Variants in FUCA1 observed in about 807,000 individuals in gnomAD.
The protein encoded by FUCA1 is tissue alpha-L-fucosidase.
In FUCA1, 52 loss-of-function variants were observed where a neutral mutation model predicts 56.8. The ratio of observed to expected loss-of-function variants is 0.92; its 90% CI spans 0.73 to 1.15. The LOEUF is 1.15. FUCA1 is among the 50% of genes most tolerant of loss of function. The pLI is 0.00. For synonymous variants in FUCA1, 230 were observed against 226.6 expected (o/e 1.02, Z -0.14); for missense variants, 568 against 592.6 (o/e 0.96, Z 0.43).
At chr1:23,859,970 A>T (rs914837830) in intron 3 of FUCA1, 67 bp from the exon 4 acceptor site, 51 of 883,798 alleles carry the variant, frequency 5.8e-5, no homozygotes, top group Admixed American at 8.4e-5. Flanking sequence ...CTTATGGACC[A>T]TTTTTTTTTT....
intron 5 of FUCA1, among the ~76,000 whole-genome samples, chr1:23,849,651 C>T (rs558249296): frequency 3.6e-5 from 5 of 139,074 alleles, no homozygotes; most frequent in East Asian, 2.2e-4. Context: ...GGCACAATCT[C>T]GGCTCACTGC....
chr1:23,855,446 G>A (rs149089306), intron 4 of FUCA1, among the ~76,000 whole-genome samples: 1,789 of 152,336 alleles, frequency 0.012, 34 homozygotes, highest in African/African-American at 0.041. Context: ...GCAGTGAGCC[G>A]AGATCGTGCC....
At chr1:23,849,142 C>A (rs914042363) in intron 5 of FUCA1, among the ~76,000 whole-genome samples, 10 of 152,064 alleles carry the variant, frequency 6.6e-5, no homozygotes, top group African/African-American at 2.4e-4. Flanking sequence ...GCCACCACAT[C>A]CAGCTAATAT....
rs1411389016 is a variant in FUCA1, at chr1:23,867,912, C to T, written c.375G>A (p.Gln125=). 1.2e-5 allele frequency: 18 copies of T among 1,550,714 alleles called. No homozygotes were observed. The highest frequency in any genetic ancestry group is 1.4e-5 in the Non-Finnish European group (16 of 1,147,682). The change falls in exon 1 of 8, where the codon CAG becomes CAA. Residue 125 remains glutamine, a synonymous_variant. Coordinates refer to ENST00000374479, the MANE Select transcript of FUCA1 (RefSeq NM_000147.5). This position sits in a 1 kb window ranked among gnomAD's most constrained non-coding sequence, Gnocchi z 4.9. ...ACCACACTCACTTGGCGCCCGCGGCCTGGAAGAGGTCGGCCCACTCCTCCG... is the reference window on the plus strand; with the variant it reads ...ACCACACTCACTTGGCGCCCGCGGCTTGGAAGAGGTCGGCCCACTCCTCCG... ...FHPEEWADLF[Q]AAGAKYVVLT... is the part of the protein sequence containing the mutation.
chr1:23,866,902 G>T (rs1639634303), intron 1 of FUCA1, among the ~76,000 whole-genome samples: 1 of 152,168 alleles, frequency 6.6e-6, no homozygotes, highest in African/African-American at 2.4e-5. Flanking sequence ...CACTTCCTCT[G>T]CTTAATCAAG....
At chr1:23,865,750 T>G in intron 1 of FUCA1, 125 bp from the exon 2 acceptor site, 1 of 1,065,604 alleles carries the variant, frequency 9.4e-7, no homozygotes, top group East Asian at 2.4e-5. Context: ...CTTGTACCAG[T>G]GACTATATTA....
intron 5 of FUCA1, among the ~76,000 whole-genome samples, chr1:23,853,791 T>G (rs1436066680): frequency 6.6e-6 from 1 of 151,956 alleles, no homozygotes; most frequent in East Asian, 1.9e-4. Context: ...CTGAAACGTG[T>G]GCTGTGTCCA....
At position 23,864,790 on chromosome 1, in the gene FUCA1, C is replaced by T. The variant is rs939846166; in HGVS notation, c.524+701G>A. On this transcript the variant is annotated intron_variant, in intron 2 of 7. Coordinates refer to ENST00000374479, the MANE Select transcript of FUCA1 (RefSeq NM_000147.5). ...TGCGATCTTGGCTCACTGCAACCTCCGCCTCCTGGGTTCAAGTGATTCTCC... is the reference window on the plus strand; with the variant it reads ...TGCGATCTTGGCTCACTGCAACCTCTGCCTCCTGGGTTCAAGTGATTCTCC... Among the ~76,000 whole-genome samples the T allele has an allele frequency of 9.9e-5, 15 of 151,652 alleles. 1 individual carries two copies. In the South Asian group the frequency reaches 2.3e-3, roughly 23 times the overall value.
At chr1:23,856,370 G>T (rs1328066701) in intron 4 of FUCA1, among the ~76,000 whole-genome samples, 4 of 152,092 alleles carry the variant, frequency 2.6e-5, no homozygotes, top group Non-Finnish European at 4.4e-5. Context: ...TCCCACAGAA[G>T]CTAATGCAGT....
Position 23,845,745 on chromosome 1 carries a change from AGCAAACTCT to A in FUCA1, c.1362_1370del (p.Glu455_Ala457del). 6.2e-7 allele frequency: 1 copy of A among 1,614,220 alleles called. No homozygotes were observed. Among genetic ancestry groups the A allele is most frequent in the African/African-American group, 1.3e-5 (1 of 75,060 alleles). On this transcript the variant is annotated inframe_deletion, in exon 8 of 8. Coordinates refer to ENST00000374479, the MANE Select transcript of FUCA1 (RefSeq NM_000147.5). ...TCACTCCTGTCAGCTTTATAGTCCA[AGCAAACTCT>A]GCGGGGACAGCAGAGGGTGGCAACT...
intron 7 of FUCA1, 35 bp downstream of exon 7, chr1:23,846,039 A>G (rs769866240): frequency 1.9e-6 from 3 of 1,564,658 alleles, no homozygotes; most frequent in Non-Finnish European, 2.6e-6. Flanking sequence ...TCCTTTACAG[A>G]AAGTTACATC....
At position 23,863,005 on chromosome 1, in the gene FUCA1, CACT is replaced by C. The variant is rs979930707; in HGVS notation, c.662+126_662+128del. 11 of 992,600 alleles carry C rather than the reference CACT, an allele frequency of 1.1e-5. No individual in the cohort carries two copies. In the Admixed American group the frequency reaches 2.0e-4, roughly 18 times the overall value. 61.5% of individuals were successfully genotyped at this position (992,600 alleles called of 1,614,324 possible). A position where few individuals can be genotyped will look rare whatever the true frequency, so the allele number is the denominator to read the frequency against. ...ACATATTTTGTCTTAATACAACCAC[CACT>C]TTTTATTATTTTGATGTCTTTTAGG... On this transcript the variant is annotated intron_variant, in intron 3 of 7. Coordinates refer to ENST00000374479, the MANE Select transcript of FUCA1 (RefSeq NM_000147.5).
chr1:23,863,357 A>G, intron 2 of FUCA1, 86 bp from the exon 3 acceptor site: 6 of 1,365,762 alleles, frequency 4.4e-6, no homozygotes, highest in Non-Finnish European at 6.1e-6. Flanking sequence ...GCATTTTTTC[A>G]TTTCAGTGGC....
At chr1:23,846,904 T>C (rs1639155798) in intron 6 of FUCA1, among the ~76,000 whole-genome samples, 2 of 152,040 alleles carry the variant, frequency 1.3e-5, no homozygotes. Flanking sequence ...TTTTAAGTGA[T>C]GGAGTCTTGC....
At chr1:23,864,087 C>CA (rs1639568820) in intron 2 of FUCA1, among the ~76,000 whole-genome samples, 1 of 131,048 alleles carries the variant, frequency 7.6e-6, no homozygotes, top group African/African-American at 2.9e-5. Flanking sequence ...TCTTTTTTTC[C>CA]TTTTTTTTTT....
At chr1:23,853,654 G>A (rs1474045672) in intron 5 of FUCA1, among the ~76,000 whole-genome samples, 3 of 150,738 alleles carry the variant, frequency 2.0e-5, no homozygotes, top group Admixed American at 6.6e-5. Flanking sequence ...TTGAGAAATC[G>A]GATGGTTGCC....
intron 5 of FUCA1, 86 bp from the exon 6 acceptor site, chr1:23,848,925 T>G: frequency 8.9e-7 from 1 of 1,125,554 alleles, no homozygotes; most frequent in Non-Finnish European, 1.3e-6. Flanking sequence ...AAAAAGAATC[T>G]AGGGCACACT....
chr1:23,848,085 A>C (rs1639178065), intron 6 of FUCA1, among the ~76,000 whole-genome samples: 1 of 152,174 alleles, frequency 6.6e-6, no homozygotes, highest in Non-Finnish European at 1.5e-5. Flanking sequence ...CAGAAAATGG[A>C]CTAAGACAAC....
At position 23,851,162 on chromosome 1, in the gene FUCA1, G is replaced by A. The variant is rs560388510; in HGVS notation, c.970-2323C>T. Among the ~76,000 whole-genome samples the A allele has an allele frequency of 4.6e-5, 7 of 152,044 alleles. No homozygotes were observed. The South Asian group carries it at 8.3e-4, about 18-fold the overall frequency. ...ACATTTTTATGGTTACCAGGAGTTC[G>A]AGACAAGCCTGGCCAACATGAAGAA... On this transcript the variant is annotated intron_variant, in intron 5 of 7. Transcript: ENST00000374479.
Sources: allele counts gnomAD v4.1 joint callset (sites outside exome capture counted in the v4.1 genomes callset), GRCh38; gene constraint gnomAD v4.1.1; non-coding constraint Gnocchi (gnomAD v3.1); transcripts MANE v1.5; gene names NCBI Gene and HGNC (gene_info 2026-07-23, HGNC 2026-07-21).